ASB9: variants seen among roughly 807,000 people sequenced by gnomAD.
The protein encoded by ASB9 is ankyrin repeat and SOCS box protein 9.
ASB9 carries 5 observed loss-of-function variants against 16.6 expected under a neutral mutation model. The ratio of observed to expected loss-of-function variants is 0.30; its 90% CI spans 0.16 to 0.63. The LOEUF (loss-of-function observed/expected upper bound fraction) is 0.63. Ranked by LOEUF, ASB9 falls within the 30% of genes least tolerant of loss-of-function variation. The pLI is 0.82. For synonymous variants in ASB9, 100 were observed against 86.4 expected (o/e 1.16, Z -0.87); for missense variants, 216 against 229.4 (o/e 0.94, Z 0.38).
intron 3 of ASB9, 91 bp from the exon 4 acceptor site, chrX:15,252,495 C>CT: frequency 6.9e-6 from 6 of 871,548 alleles, no homozygotes; most frequent in Non-Finnish European, 9.4e-6. Context: ...TATTTAACAT[C>CT]TCTGAGCCTT....
intron 1 of ASB9, among the ~76,000 whole-genome samples, chrX:15,263,873 T>C (rs188820393): frequency 8.9e-6 from 1 of 111,908 alleles, no homozygotes; most frequent in African/African-American, 3.3e-5. Flanking sequence ...CCCCAAAAGA[T>C]AGACACTAAC....
chrX:15,268,665 G>A (rs1442026858), intron 1 of ASB9, among the ~76,000 whole-genome samples: 5 of 106,970 alleles, frequency 4.7e-5, no homozygotes, highest in African/African-American at 6.8e-5. Flanking sequence ...TGATCTGCCC[G>A]CCTCGGCCTC....
chrX:15,265,682 C>CTGGA (rs1382059930), intron 1 of ASB9, among the ~76,000 whole-genome samples: 37 of 110,467 alleles, frequency 3.3e-4, no homozygotes, highest in African/African-American at 1.1e-3. Context: ...GTTGCCCAGG[C>CTGGA]TGGAGTACAG....
intron 1 of ASB9, among the ~76,000 whole-genome samples, chrX:15,264,932 G>T (rs1354243096): frequency 8.9e-6 from 1 of 111,840 alleles, no homozygotes; most frequent in Non-Finnish European, 1.9e-5. Context: ...CAGGAGGTAA[G>T]AAACCAGAAG....
At chrX:15,259,331 T>C (rs1925800826) in intron 1 of ASB9, among the ~76,000 whole-genome samples, 2 of 112,683 alleles carry the variant, frequency 1.8e-5, no homozygotes, top group Non-Finnish European at 3.7e-5. Context: ...GTTTCCTGCA[T>C]GAAATACAGA....
intron 1 of ASB9, among the ~76,000 whole-genome samples, chrX:15,268,550 C>G (rs1277414066): frequency 9.7e-6 from 1 of 102,836 alleles, no homozygotes; most frequent in Non-Finnish European, 2.0e-5. Context: ...CTCAGCCTCC[C>G]GAGTAGCTGG....
chrX:15,244,691 T>G lies in ASB9; in HGVS notation c.761-61A>C, dbSNP rs78887440. ...GCTATTGATCTAAGACTCCTTTTTTTTAAAAAAAAAAAGCATCCAAGATAG... is the reference window on the plus strand; with the variant it reads ...GCTATTGATCTAAGACTCCTTTTTTGTAAAAAAAAAAAGCATCCAAGATAG... On this transcript the variant is annotated intron_variant, in intron 6 of 6. Coordinates refer to ENST00000380488, the MANE Select transcript of ASB9 (RefSeq NM_001031739.3). 3.1e-6 allele frequency: 3 copies of G among 981,372 alleles called. No individual in the cohort carries two copies. Among genetic ancestry groups the G allele is most frequent in the Non-Finnish European group, 4.0e-6 (3 of 746,504 alleles). 80.9% of individuals were successfully genotyped at this position (981,372 alleles called of 1,213,427 possible).
At chrX:15,260,349 G>T (rs1200743262) in intron 1 of ASB9, among the ~76,000 whole-genome samples, 2 of 112,046 alleles carry the variant, frequency 1.8e-5, no homozygotes, top group African/African-American at 6.5e-5. Context: ...AGTGAGCCGA[G>T]ATCATGCCAC....
At chrX:15,262,292 A>G (rs950769437) in intron 1 of ASB9, among the ~76,000 whole-genome samples, 2 of 111,959 alleles carry the variant, frequency 1.8e-5, no homozygotes, top group Admixed American at 9.5e-5. Context: ...TATGTTTTCA[A>G]TTCTCCTGAA....
chrX:15,262,390 C>T (rs1478982240), intron 1 of ASB9, among the ~76,000 whole-genome samples: 1 of 111,752 alleles, frequency 8.9e-6, no homozygotes, highest in African/African-American at 3.3e-5. Flanking sequence ...ACTGTATGTT[C>T]CCATCAGCAG....
rs1925203026 is a variant in ASB9, at chrX:15,252,465, G to T, written c.283-61C>A. The T allele has an allele frequency of 5.6e-5, 58 of 1,042,786 alleles. No homozygotes were observed. In the South Asian group the frequency reaches 8.2e-4, roughly 15 times the overall value. The allele number at this position is 1,042,786 out of a possible 1,213,427, so 85.9% of individuals were successfully genotyped here. A position where few individuals can be genotyped will look rare whatever the true frequency, so the allele number is the denominator to read the frequency against. On this transcript the variant is annotated intron_variant, in intron 3 of 6. Coordinates refer to ENST00000380488, the MANE Select transcript of ASB9 (RefSeq NM_001031739.3). ...GGGATGTTTTGGGTTCAAATGTGGGGTCCACCACTCTGAAGATGTTATTTA... is the reference window on the plus strand; with the variant it reads ...GGGATGTTTTGGGTTCAAATGTGGGTTCCACCACTCTGAAGATGTTATTTA...
chrX:15,270,081 T>TACACACAC lies in ASB9; in HGVS notation c.-208_-207insGTGTGTGT, dbSNP rs370190376. Reference sequence around the variant, plus strand: ...GATCAGAGAGAGGCATGCGCTCGTGTACACACACACACACACACACACACA... The same window carrying TACACACAC: ...GATCAGAGAGAGGCATGCGCTCGTGTACACACACACACACACACACACACACACACACA... On this transcript the variant is annotated 5_prime_UTR_variant, in exon 1 of 7. Transcript: ENST00000380488. 0.012 allele frequency: 3,623 copies of TACACACAC among 292,945 alleles called. 28 individuals carry two copies. The highest frequency in any genetic ancestry group is 0.038 in the African/African-American group (1,239 of 32,497). 24.1% of individuals were successfully genotyped at this position (292,945 alleles called of 1,213,427 possible).
At position 15,248,725 on chromosome X, in the gene ASB9, G is replaced by A; in HGVS notation, c.760+19C>T. 8.4e-7 allele frequency: 1 copy of A among 1,195,337 alleles called. No homozygotes were observed. Among genetic ancestry groups the A allele is most frequent in the Non-Finnish European group, 1.1e-6 (1 of 886,197 alleles). On this transcript the variant is annotated intron_variant, in intron 6 of 6. Transcript: ENST00000380488. ...AGGGATGTCAACAGATTAGGGCTTA[G>A]GTTTTGGCAAAGAAGCACCTTCTCT...
At chrX:15,246,183 G>T (rs1276977412) in intron 6 of ASB9, among the ~76,000 whole-genome samples, 1 of 111,890 alleles carries the variant, frequency 8.9e-6, no homozygotes, top group Non-Finnish European at 1.9e-5. Flanking sequence ...GAGCAGGCCT[G>T]ATAGAGAATT....
chrX:15,247,879 T>G (rs1924797551), intron 6 of ASB9, among the ~76,000 whole-genome samples: 1 of 111,344 alleles, frequency 9.0e-6, no homozygotes. Context: ...GCAGTGAGAG[T>G]AGGAGGAAGA....
intron 1 of ASB9, among the ~76,000 whole-genome samples, chrX:15,264,442 C>T (rs1218577187): frequency 8.9e-6 from 1 of 111,770 alleles, no homozygotes; most frequent in Non-Finnish European, 1.9e-5. Flanking sequence ...AAAATTAAGA[C>T]ATTCTTTCCC....
chrX:15,246,847 G>T (rs1181202056), intron 6 of ASB9, among the ~76,000 whole-genome samples: 2 of 111,351 alleles, frequency 1.8e-5, no homozygotes, highest in African/African-American at 3.3e-5. Context: ...GGTCATGTTG[G>T]GCTGACAGTC....
chrX:15,257,409 A>T lies in ASB9; in HGVS notation c.174+1457T>A, dbSNP rs778007276. On this transcript the variant is annotated intron_variant, in intron 2 of 6. Coordinates refer to ENST00000380488, the MANE Select transcript of ASB9 (RefSeq NM_001031739.3). ...ACAAGAGTGAAACTCCATCTCAAAA[A>T]AATAATAATAATAATAATAATAATG... Among the ~76,000 whole-genome samples the T allele has an allele frequency of 2.3e-3, 256 of 110,023 alleles. 2 individuals are homozygous for T. The highest frequency in any genetic ancestry group is 2.8e-3 in the African/African-American group (85 of 30,304).
At chrX:15,256,050 G>A (rs1279776816) in intron 2 of ASB9, among the ~76,000 whole-genome samples, 1 of 111,122 alleles carries the variant, frequency 9.0e-6, no homozygotes, top group East Asian at 2.8e-4. Context: ...ACAAACAGTA[G>A]CCTACAGAGT....
Sources: allele counts gnomAD v4.1 joint callset (sites outside exome capture counted in the v4.1 genomes callset), GRCh38; gene constraint gnomAD v4.1.1; transcripts MANE v1.5; gene names NCBI Gene and HGNC (gene_info 2026-07-23, HGNC 2026-07-21).